Variants in NSUN2 observed in about 807,000 individuals in gnomAD.
NSUN2 encodes NOP2/Sun RNA methyltransferase 2, also known as RNA cytosine C(5)-methyltransferase NSUN2.
In NSUN2, 63 loss-of-function variants were observed where a neutral mutation model predicts 92.7. That is an observed-to-expected ratio of 0.68 (90% CI 0.56 to 0.84). The LOEUF (loss-of-function observed/expected upper bound fraction) is 0.84, where lower values mean the gene tolerates loss of function less well. Among genes scored for constraint, NSUN2 ranks in the 40% least tolerant of loss-of-function variants. The pLI is 0.00. For missense variants in NSUN2, 989 were observed against 964.9 expected (o/e 1.02, Z -0.33); for synonymous variants, 356 against 348.3 (o/e 1.02, Z -0.25).
At chr5:6,628,827 G>A (rs1245632187) in intron 3 of NSUN2, among the ~76,000 whole-genome samples, 1 of 152,160 alleles carries the variant, frequency 6.6e-6, no homozygotes, top group African/African-American at 2.4e-5. Context: ...AAGATTGCTT[G>A]AGCCCTGGAA....
intron 18 of NSUN2, among the ~76,000 whole-genome samples, chr5:6,600,751 T>C (rs3822433): frequency 0.67 from 101,232 of 151,886 alleles, 33,900 homozygotes; most frequent in African/African-American, 0.73. Context: ...CCAGGACCAC[T>C]CATCCTTTTG....
At chr5:6,622,637 C>T (rs1288984436) in intron 5 of NSUN2, among the ~76,000 whole-genome samples, 1 of 152,080 alleles carries the variant, frequency 6.6e-6, no homozygotes, top group African/African-American at 2.4e-5. Context: ...CGCCTGAGGT[C>T]GGGAGTTCGA....
chr5:6,609,764 T>G (rs1736913188), intron 12 of NSUN2, 62 bp downstream of exon 12: 2 of 1,319,640 alleles, frequency 1.5e-6, no homozygotes, highest in Non-Finnish European at 2.2e-6. Flanking sequence ...AAACTCCGGT[T>G]AGTTTTTGTC....
At chr5:6,617,867 A>G in intron 8 of NSUN2, 83 bp downstream of exon 8, 2 of 1,031,452 alleles carry the variant, frequency 1.9e-6, no homozygotes, top group Admixed American at 4.2e-5. Context: ...CTCTAATTAA[A>G]GATCGGATGC....
At chr5:6,617,252 G>T (rs556488088) in intron 8 of NSUN2, among the ~76,000 whole-genome samples, 1 of 152,254 alleles carries the variant, frequency 6.6e-6, no homozygotes, top group South Asian at 2.1e-4. Context: ...TCACAAAACA[G>T]TAGACAGTAT....
rs769110809 is a variant in NSUN2 at position 6,617,905 on chromosome 5, G to A, written c.890+45C>T. ...ACTTGCATAACAATAAATCTCTGCT[G>A]ATCTACTTGTCACACAGTGTTAGCA... On this transcript the variant is annotated intron_variant, in intron 8 of 18. Coordinates refer to ENST00000264670, the MANE Select transcript of NSUN2 (RefSeq NM_017755.6). The A allele has an allele frequency of 6.3e-6, 9 of 1,419,660 alleles. No individual in the cohort carries two copies. The South Asian group carries it at 1.1e-4, about 17-fold the overall frequency. The allele number at this position is 1,419,660 out of a possible 1,614,324, so 87.9% of individuals were successfully genotyped here.
chr5:6,604,349 G>T, intron 16 of NSUN2, 73 bp from the exon 17 acceptor site: 4 of 1,364,044 alleles, frequency 2.9e-6, no homozygotes, highest in Non-Finnish European at 4.1e-6. Context: ...TGCTCTCAGG[G>T]GCTATGCTCT....
intron 6 of NSUN2, 149 bp from the exon 7 acceptor site, chr5:6,620,447 T>G: frequency 1.8e-6 from 1 of 551,778 alleles, no homozygotes; most frequent in Non-Finnish European, 3.0e-6. Context: ...TTACGTTAAG[T>G]GGTTCAAAAA....
intron 11 of NSUN2, 33 bp downstream of exon 11, chr5:6,610,922 C>T (rs1290849004): frequency 6.2e-7 from 1 of 1,612,596 alleles, no homozygotes; most frequent in Non-Finnish European, 8.5e-7. Flanking sequence ...TAACCTTCCC[C>T]CCTCCCCACA....
chr5:6,611,158 T>A (rs1736974115), intron 10 of NSUN2, 73 bp from the exon 11 acceptor site: 3 of 1,529,378 alleles, frequency 2.0e-6, no homozygotes, highest in African/African-American at 1.4e-5. Flanking sequence ...GGCAGGAGTA[T>A]CCATTCTCTC....
At chr5:6,604,952 C>G (rs1736702093) in intron 15 of NSUN2, 1 of 597,222 alleles carries the variant, frequency 1.7e-6, no homozygotes. Context: ...AGGGTCGGGG[C>G]AGCAGTACTC....
chr5:6,632,217 T>C (rs1475900713), intron 2 of NSUN2, among the ~76,000 whole-genome samples: 2 of 152,028 alleles, frequency 1.3e-5, no homozygotes, highest in African/African-American at 4.8e-5. Flanking sequence ...CGTTAAGTTT[T>C]ACTTGCGACT....
At chr5:6,622,230 T>G (rs960712456) in intron 5 of NSUN2, 130 bp from the exon 6 acceptor site, 1 of 679,198 alleles carries the variant, frequency 1.5e-6, no homozygotes, top group Non-Finnish European at 2.5e-6. Flanking sequence ...GTCTATAGCA[T>G]GACATAATTT....
chr5:6,628,235 CT>C (rs1169296994), intron 3 of NSUN2, among the ~76,000 whole-genome samples: 1 of 152,240 alleles, frequency 6.6e-6, no homozygotes, highest in African/African-American at 2.4e-5. Context: ...GTAATCCCAG[CT>C]ACCTGGGACG....
chr5:6,621,921 A>T, intron 6 of NSUN2, 95 bp downstream of exon 6: 1 of 1,056,850 alleles, frequency 9.5e-7, no homozygotes, highest in Non-Finnish European at 1.5e-6. Context: ...AGGAGACTTT[A>T]GAGCCAAATT....
chr5:6,603,872 G>A, intron 17 of NSUN2: 1 of 372,554 alleles, frequency 2.7e-6, no homozygotes, highest in Non-Finnish European at 4.9e-6. Context: ...GGCCAGCCCT[G>A]CACGCCACAC....
At chr5:6,604,847 T>C (rs984865067) in intron 15 of NSUN2, 162 bp from the exon 16 acceptor site, 2 of 640,070 alleles carry the variant, frequency 3.1e-6, no homozygotes, top group African/African-American at 3.7e-5. Context: ...TACTCACAAC[T>C]TGTGATTACG....
intron 14 of NSUN2, among the ~76,000 whole-genome samples, chr5:6,605,903 C>G (rs1736749866): frequency 6.6e-6 from 1 of 152,020 alleles, no homozygotes; most frequent in African/African-American, 2.4e-5. Context: ...CCACATTGGT[C>G]AGACTGGTCT....
chr5:6,609,489 C>T (rs968152056), intron 12 of NSUN2, among the ~76,000 whole-genome samples: 1 of 152,214 alleles, frequency 6.6e-6, no homozygotes, highest in Non-Finnish European at 1.5e-5. Context: ...GAACCACTCA[C>T]AAGGAACTAG....
Sources: gnomAD v4.1 joint callset for allele counts (sites outside exome capture counted in the v4.1 genomes callset) on GRCh38, gnomAD v4.1.1 for gene constraint, MANE v1.5 for transcripts, NCBI Gene and HGNC (gene_info 2026-07-23, HGNC 2026-07-21) for gene names.